UBR3: variants seen among roughly 807,000 people sequenced by gnomAD.
UBR3 encodes ubiquitin protein ligase E3 component n-recognin 3.
A neutral mutation model predicts 243.2 loss-of-function variants in UBR3; 85 were observed. That is an observed-to-expected ratio of 0.35 (90% CI 0.29 to 0.42). UBR3 has a LOEUF of 0.42. Ranked by LOEUF, UBR3 falls within the 10% of genes least tolerant of loss-of-function variation. The pLI is 1.00. For missense variants in UBR3, 1,686 were observed against 2,300.8 expected (o/e 0.73, Z 5.47); for synonymous variants, 748 against 799.8 (o/e 0.94, Z 1.09).
At chr2:169,922,187 G>A (rs976103296) in intron 11 of UBR3, among the ~76,000 whole-genome samples, 11 of 151,812 alleles carry the variant, frequency 7.2e-5, no homozygotes, top group African/African-American at 2.4e-4. Context: ...TCAGGGGGCC[G>A]AGGAGGGAGG....
intron 32 of UBR3, among the ~76,000 whole-genome samples, chr2:170,047,068 C>T (rs1038539703): frequency 6.6e-6 from 1 of 152,038 alleles, no homozygotes; most frequent in Non-Finnish European, 1.5e-5. Context: ...AGTCATAACT[C>T]ACTGCAGCCT....
intron 29 of UBR3, among the ~76,000 whole-genome samples, chr2:170,013,025 C>CT (rs11409039): frequency 0.092 from 14,035 of 151,802 alleles, 764 homozygotes; most frequent in African/African-American, 0.15. Context: ...ATTTTCGCCT[C>CT]TTTTTTTTCT....
rs2090953141 is a variant in UBR3 at position 170,040,956 on chromosome 2, T to C, written c.4631T>C (p.Ile1544Thr). The C allele has an allele frequency of 1.2e-6, 2 of 1,613,436 alleles. No homozygotes were observed. Among genetic ancestry groups the C allele is most frequent in the Non-Finnish European group, 1.7e-6 (2 of 1,179,644 alleles). ...GTAACATCCCTTTTGCTCATCCAGATCTTAATGATGCCACAACCCTTACGC... is the reference window on the plus strand; with the variant it reads ...GTAACATCCCTTTTGCTCATCCAGACCTTAATGATGCCACAACCCTTACGC... ...HDVTSLLLIQ[I>T]LMMPQPLRKD... Residue 1544 changes from isoleucine (I) to threonine (T), a missense_variant, in exon 32 of 39, where the codon ATC becomes ACC. Physicochemically the swap from Ile to Thr is moderately conservative, Grantham distance 89. This residue lies in a region of UBR3 where 371 missense variants were observed against 422.5 expected (regional missense o/e 0.88). Coordinates refer to ENST00000272793, the MANE Select transcript of UBR3 (RefSeq NM_172070.4).
At chr2:169,941,829 A>C (rs1332071199) in intron 19 of UBR3, among the ~76,000 whole-genome samples, 1 of 152,098 alleles carries the variant, frequency 6.6e-6, no homozygotes, top group Non-Finnish European at 1.5e-5. Context: ...CTTCTTGGGG[A>C]ACTTGTTCTT....
At chr2:169,905,063 C>T in intron 8 of UBR3, 51 bp from the exon 9 acceptor site, 1 of 1,387,534 alleles carries the variant, frequency 7.2e-7, no homozygotes, top group South Asian at 1.9e-5. Context: ...ATTGGTTAAG[C>T]TTTTTAAAAA....
chr2:169,828,069 C>G lies in UBR3; in HGVS notation c.545+17C>G. ...GGAGAGCGGGTGAGTGGAGCCCTCC[C>G]CGCGGGCGAGGCGACCCTGGGCCGG... is the stretch of plus-strand genomic sequence containing the variant. On this transcript the variant is annotated intron_variant, in intron 1 of 38. Coordinates refer to ENST00000272793, the MANE Select transcript of UBR3 (RefSeq NM_172070.4). 7.4e-7 allele frequency: 1 copy of G among 1,358,870 alleles called. No individual in the cohort carries two copies. The highest frequency in any genetic ancestry group is 9.5e-7 in the Non-Finnish European group (1 of 1,053,440). 84.2% of individuals were successfully genotyped at this position (1,358,870 alleles called of 1,614,324 possible).
In UBR3 at chr2:169,949,917, A is replaced by G. The variant is rs756837551; in HGVS notation, c.3397A>G (p.Thr1133Ala). ...TAAATACAGTCATGGAGATGGTATA[A>G]CTGCCGTGGAAAGAATTTTACTAAA... ...IPKYSHGDGI[T>A]AVERILLKAA... The change falls in exon 23 of 39, where the codon ACT (threonine) becomes GCT (alanine). Residue 1133 changes from threonine (T) to alanine (A), a missense_variant. Physicochemically the swap from Thr to Ala is moderately conservative, Grantham distance 58. This residue lies in a region of UBR3 where 300 missense variants were observed against 314.4 expected (regional missense o/e 0.95). Transcript: ENST00000272793. 29 of 1,613,454 alleles carry G rather than the reference A, an allele frequency of 1.8e-5. No homozygotes were observed. The highest frequency in any genetic ancestry group is 1.8e-5 in the Non-Finnish European group (21 of 1,179,690).
intron 24 of UBR3, among the ~76,000 whole-genome samples, chr2:169,969,330 G>T (rs2087977551): frequency 6.6e-6 from 1 of 152,128 alleles, no homozygotes; most frequent in African/African-American, 2.4e-5. Flanking sequence ...TGAGGTATTA[G>T]AAAGTCTTTA....
At chr2:169,974,952 G>A (rs1432390592) in intron 24 of UBR3, among the ~76,000 whole-genome samples, 3 of 152,126 alleles carry the variant, frequency 2.0e-5, no homozygotes, top group East Asian at 1.9e-4. Flanking sequence ...GAGTCCAAGC[G>A]GGTGGATTGC....
At chr2:170,006,690 C>A (rs1375739304) in intron 27 of UBR3, among the ~76,000 whole-genome samples, 2 of 152,082 alleles carry the variant, frequency 1.3e-5, no homozygotes, top group African/African-American at 2.4e-5. Context: ...TTGAATTATT[C>A]TTTATCTTAA....
intron 33 of UBR3, among the ~76,000 whole-genome samples, chr2:170,055,993 T>C (rs957737132): frequency 1.4e-5 from 2 of 141,516 alleles, no homozygotes; most frequent in South Asian, 2.2e-4. Context: ...AAAATCCTAG[T>C]CTTTTCTTTC....
At chr2:170,014,523 A>G (rs2090179818) in intron 29 of UBR3, 1 of 152,002 alleles carries the variant, frequency 6.6e-6, no homozygotes, top group Non-Finnish European at 1.5e-5. Flanking sequence ...GGCATAATTA[A>G]TTGGTTCTTT....
chr2:169,967,250 G>T (rs1292051273), intron 24 of UBR3, among the ~76,000 whole-genome samples: 1 of 42,176 alleles, frequency 2.4e-5, no homozygotes. Flanking sequence ...CCCCCCTACA[G>T]GGTATGCGCC....
At position 169,898,685 on chromosome 2, in the gene UBR3, T is replaced by TA. The variant is rs35012708; in HGVS notation, c.1465+1953dup. On this transcript the variant is annotated intron_variant, in intron 8 of 38. Transcript: ENST00000272793. Reference sequence around the variant, plus strand: ...CTTCTTCACCTTTTTTTTTTTTTTTTAAAGATGGAGTTTCACTCTTTTTTT... The same window carrying TA: ...CTTCTTCACCTTTTTTTTTTTTTTTTAAAAGATGGAGTTTCACTCTTTTTTT... 5.7e-3 allele frequency among the ~76,000 whole-genome samples: 861 copies of TA among 150,664 alleles called. 9 individuals carry two copies. Among genetic ancestry groups the TA allele is most frequent in the African/African-American group, 0.02 (801 of 40,830 alleles).
rs1558999189 is a variant in UBR3, at chr2:169,836,068, T to TA, written c.545+8016_545+8017insA. Among the ~76,000 whole-genome samples, 220 of 29,600 alleles carry TA rather than the reference T, an allele frequency of 7.4e-3. 2 individuals are homozygous for TA. Among genetic ancestry groups the TA allele is most frequent in the African/African-American group, 0.022 (146 of 6,634 alleles). The allele number at this position is 29,600 out of a possible 152,430, so 19.4% of individuals were successfully genotyped here. A position where few individuals can be genotyped will look rare whatever the true frequency, so the allele number is the denominator to read the frequency against. On this transcript the variant is annotated intron_variant, in intron 1 of 38. Transcript: ENST00000272793. ...CTATATATATATATATATATATATATTTTTTTTTTTTTTTTTTTTTTTTTT... is the reference window on the plus strand; with the variant it reads ...CTATATATATATATATATATATATATATTTTTTTTTTTTTTTTTTTTTTTTT...
chr2:169,859,295 TCTC>T (rs1362340190), intron 1 of UBR3, among the ~76,000 whole-genome samples: 1 of 152,046 alleles, frequency 6.6e-6, no homozygotes, highest in Non-Finnish European at 1.5e-5. Flanking sequence ...ATGGTCTCGA[TCTC>T]CTGACCTCGT....
chr2:170,032,415 G>T (rs2090696675), intron 31 of UBR3, among the ~76,000 whole-genome samples: 1 of 151,732 alleles, frequency 6.6e-6, no homozygotes, highest in Non-Finnish European at 1.5e-5. Flanking sequence ...AATAATATTG[G>T]CCTCTACCAT....
chr2:169,828,233 G>A (rs9287921), intron 1 of UBR3, among the ~76,000 whole-genome samples, 181 bp downstream of exon 1: 115,807 of 151,120 alleles, frequency 0.77, 45,516 homozygotes, highest in South Asian at 0.88. Context: ...GGGAGGAGAA[G>A]GAGGGGAGAG....
chr2:169,903,753 G>A (rs1422563591), intron 8 of UBR3, among the ~76,000 whole-genome samples: 1 of 152,144 alleles, frequency 6.6e-6, no homozygotes, highest in African/African-American at 2.4e-5. Flanking sequence ...GGGTGTGGTG[G>A]CACATACTTG....
Sources: allele counts gnomAD v4.1 joint callset (sites outside exome capture counted in the v4.1 genomes callset), GRCh38; gene constraint gnomAD v4.1.1; regional missense constraint gnomAD v4.1.1; transcripts MANE v1.5; gene names NCBI Gene and HGNC (gene_info 2026-07-23, HGNC 2026-07-21).